RPS29: variants seen among roughly 807,000 people sequenced by gnomAD.
RPS29 encodes small ribosomal subunit protein uS14.
For synonymous variants in RPS29, 37 were observed against 26.9 expected, an observed-to-expected ratio of 1.37 and a Z score of -1.16; for missense variants, 60 against 75.7, an observed-to-expected ratio of 0.79 and a Z score of 0.77.
upstream of RPS29, chr14:49,586,480 T>G (rs897022973): frequency 3.0e-5 from 23 of 773,676 alleles, no homozygotes; most frequent in Admixed American, 4.3e-5. Context: ...GTTGTTTCGC[T>G]GGGTGAGTAA....
chr14:49,598,366 G>A (rs1334538671), intron 1 of RPS29: 3 of 657,586 alleles, frequency 4.6e-6, no homozygotes, highest in Non-Finnish European at 8.3e-6. Context: ...CACGTCTCAG[G>A]TGCAGTTAAG....
At chr14:49,598,254 T>TGCTCCCCAGGCGCTTCCC (rs1424207007) in intron 1 of RPS29, 5 of 588,870 alleles carry the variant, frequency 8.5e-6, no homozygotes, top group Non-Finnish European at 1.5e-5. Context: ...GCTTAACATT[T>TGCTCCCCAGGCGCTTCCC]GCTCCCCAGG....
At chr14:49,580,638 G>A (rs1881307213), downstream of RPS29, among the ~76,000 whole-genome samples, 1 of 151,876 alleles carries the variant, frequency 6.6e-6, no homozygotes. Context: ...TTGGGAGGCT[G>A]AGGTGGGTGG....
intron 2 of RPS29, among the ~76,000 whole-genome samples, chr14:49,583,901 A>T (rs902477007): frequency 1.3e-5 from 2 of 152,248 alleles, no homozygotes; most frequent in African/African-American, 4.8e-5. Flanking sequence ...TTCTTCCATC[A>T]AAGTAATGTT....
chr14:49,588,821 G>A (rs1175703409), upstream of RPS29, among the ~76,000 whole-genome samples: 1 of 146,650 alleles, frequency 6.8e-6, no homozygotes, highest in South Asian at 2.2e-4. Context: ...GAGCCACCAC[G>A]CCCGGCCTAA....
chr14:49,573,426 T>A (rs945843181), exon 3 of RPS29: 1 of 139,568 alleles, frequency 7.2e-6, no homozygotes. Flanking sequence ...TGAGCCAAGA[T>A]GGCACCACTG....
At chr14:49,591,009 T>G (rs930627395), upstream of RPS29, among the ~76,000 whole-genome samples, 1 of 152,078 alleles carries the variant, frequency 6.6e-6, no homozygotes, top group African/African-American at 2.4e-5. Flanking sequence ...TCTTTATTAA[T>G]AATTATTAAC....
chr14:49,583,353 A>T (rs1566479904), downstream of RPS29, among the ~76,000 whole-genome samples: 1 of 152,158 alleles, frequency 6.6e-6, no homozygotes, highest in African/African-American at 2.4e-5. Context: ...GATCGAGACC[A>T]TCCTGGTCAA....
rs1404906852 is a variant in RPS29 at position 49,586,009 on chromosome 14, C to G, written c.103G>C (p.Gly35Arg). 1 of 1,609,206 alleles carries G rather than the reference C, an allele frequency of 6.2e-7. No individual in the cohort carries two copies. The highest frequency in any genetic ancestry group is 1.7e-5 in the Admixed American group (1 of 59,890). Reference sequence around the variant, plus strand: ...AAACACTGGCGGCACATATTGAGGCCATATTTCCGGATCAGACCGTGCCGG... The same window carrying G: ...AAACACTGGCGGCACATATTGAGGCGATATTTCCGGATCAGACCGTGCCGG... ...SNRHGLIRKY[G>R]LNMCRQCFRQ... The change falls in exon 2 of 3, where the codon GGC (glycine) becomes CGC (arginine). Residue 35 changes from glycine (G) to arginine (R), a missense_variant. Gly to Arg is a moderately radical substitution (Grantham distance 125). Transcript: ENST00000245458.
At chr14:49,595,936 C>T (rs570112951) in intron 1 of RPS29, among the ~76,000 whole-genome samples, 3 of 138,738 alleles carry the variant, frequency 2.2e-5, no homozygotes, top group Non-Finnish European at 3.1e-5. Flanking sequence ...TCGCTTGAGC[C>T]GGGGAGGCTG....
chr14:49,597,043 T>C (rs1437688552), intron 1 of RPS29, among the ~76,000 whole-genome samples: 1 of 150,136 alleles, frequency 6.7e-6, no homozygotes, highest in African/African-American at 2.5e-5. Context: ...GCTTCCCGGG[T>C]AGCTGGGACT....
chr14:49,580,467 A>C (rs113664996), downstream of RPS29, among the ~76,000 whole-genome samples: 94 of 152,322 alleles, frequency 6.2e-4, no homozygotes, highest in African/African-American at 2.2e-3. Flanking sequence ...CAGGGTTAGG[A>C]GCACAGGTGG....
At position 49,598,060 on chromosome 14, in the gene RPS29, A is replaced by G. The variant is rs1881875515; in HGVS notation, c.-133+340T>C. 14 of 262,080 alleles carry G rather than the reference A, an allele frequency of 5.3e-5. No individual in the cohort carries two copies. The South Asian group carries it at 1.5e-3, about 28-fold the overall frequency. 16.2% of individuals were successfully genotyped at this position (262,080 alleles called of 1,614,324 possible). ...TAAATAGGGACGCTCATTTGAGAATAAATCACATTTTGTCACAGTTGTATT... is the reference window on the plus strand; with the variant it reads ...TAAATAGGGACGCTCATTTGAGAATGAATCACATTTTGTCACAGTTGTATT... On this transcript the variant is annotated intron_variant, in intron 1 of 3. Coordinates refer to the RPS29 transcript ENST00000556230.
intron 1 of RPS29, among the ~76,000 whole-genome samples, chr14:49,593,533 GT>G (rs778423700): frequency 6.6e-6 from 1 of 151,626 alleles, no homozygotes; most frequent in African/African-American, 2.4e-5. Flanking sequence ...GTGAAACTCC[GT>G]CTCTACTAAA....
rs2139513920 is a variant in RPS29 at position 49,586,037 on chromosome 14, T to G, written c.75A>C (p.Ser25=). The part of the protein sequence containing the change: ...GQGSRSCRVC[S]NRHGLIRKYG... ...ATTTCCGGATCAGACCGTGCCGGTT[T>G]GAACAGACACGACTGTAAGAAAAGA... The change falls in exon 2 of 3, where the codon TCA becomes TCC. Residue 25 remains serine, a synonymous_variant. Transcript: ENST00000245458. The G allele has an allele frequency of 6.2e-7, 1 of 1,613,642 alleles. No homozygotes were observed. Among genetic ancestry groups the G allele is most frequent in the East Asian group, 2.2e-5 (1 of 44,858 alleles).
downstream of RPS29, among the ~76,000 whole-genome samples, chr14:49,582,012 C>CAAA (rs58507206): frequency 2.6e-4 from 28 of 106,506 alleles, 1 homozygote; most frequent in African/African-American, 6.3e-4. Context: ...CCCTGCCCCC[C>CAAA]AAAAAAAAAA....
exon 3 of RPS29, chr14:49,571,310 T>C (rs1322742294): frequency 6.6e-6 from 1 of 152,226 alleles, no homozygotes; most frequent in Admixed American, 6.5e-5. Context: ...TTCAATAGAC[T>C]TGTGTTTGTT....
intron 1 of RPS29, among the ~76,000 whole-genome samples, chr14:49,592,882 T>G (rs905047034): frequency 2.0e-5 from 3 of 150,280 alleles, no homozygotes; most frequent in Non-Finnish European, 4.4e-5. Flanking sequence ...CACTCCAGCC[T>G]GGGCAGCAAG....
chr14:49,571,669 A>T (rs1881059044), exon 3 of RPS29: 1 of 152,166 alleles, frequency 6.6e-6, no homozygotes. Context: ...ACCCCAATAA[A>T]AACTTTAGAT....
Sources: gnomAD v4.1 joint callset for allele counts (sites outside exome capture counted in the v4.1 genomes callset) on GRCh38, gnomAD v4.1.1 for gene constraint, MANE v1.5 for transcripts, NCBI Gene and HGNC (gene_info 2026-07-23, HGNC 2026-07-21) for gene names.